Variants in PCYT2 observed in about 807,000 individuals in gnomAD.
PCYT2 encodes ethanolamine-phosphate cytidylyltransferase.
In PCYT2, 33 loss-of-function variants were observed where a neutral mutation model predicts 50.0. That is an observed-to-expected ratio of 0.66 (90% confidence interval 0.50 to 0.88). The LOEUF (loss-of-function observed/expected upper bound fraction) is 0.88. PCYT2 is among the 40% of genes least tolerant of loss of function. The pLI is 0.00. For synonymous variants in PCYT2, 240 were observed against 203.7 expected (o/e 1.18, Z -1.52); for missense variants, 430 against 519.7 (o/e 0.83, Z 1.68).
Position 81,906,520 on chromosome 17 carries a change from T to G in PCYT2, c.703A>C (p.Lys235Gln), listed in dbSNP as rs2040276929. 5.0e-6 allele frequency: 8 copies of G among 1,613,462 alleles called. No individual in the cohort carries two copies. The highest frequency in any genetic ancestry group is 5.9e-6 in the Non-Finnish European group (7 of 1,179,902). ...FHIGHVDFLE[K>Q]VHRLAERPYI... Reference sequence around the variant, plus strand: ...GGCCTCTCTGCCAGCCTGTGCACCTTCTCCAGGAAGTCCACATGCCCGATG... The same window carrying G: ...GGCCTCTCTGCCAGCCTGTGCACCTGCTCCAGGAAGTCCACATGCCCGATG... Residue 235 changes from lysine to glutamine, a missense_variant, in exon 8 of 13, where the codon AAG (lysine) becomes CAG (glutamine). Physicochemically the swap from Lys to Gln is moderately conservative, Grantham distance 53. This residue lies in a region of PCYT2 where 248 missense variants were observed against 300.2 expected (regional missense o/e 0.83). Coordinates refer to ENST00000538936, the MANE Select transcript of PCYT2 (RefSeq NM_002861.5).
chr17:81,908,555 G>A lies in PCYT2; in HGVS notation c.407+13C>T, dbSNP rs369399121. 2.1e-5 allele frequency: 33 copies of A among 1,605,998 alleles called. No individual in the cohort carries two copies. Among genetic ancestry groups the A allele is most frequent in the Middle Eastern group, 1.6e-4 (1 of 6,066 alleles). ...CAGCTCCCTGGATGGCCAGGCCCGC[G>A]GTGGAGACTCACCTGTACCTCCCAG... is the stretch of plus-strand genomic sequence containing the variant. On this transcript the variant is annotated intron_variant, in intron 4 of 12. Transcript: ENST00000538936.
rs770777368 is a variant in PCYT2 at position 81,909,556 on chromosome 17, G to T, written c.136C>A (p.Arg46=). 2 of 1,613,740 alleles carry T rather than the reference G, an allele frequency of 1.2e-6. No homozygotes were observed. Among genetic ancestry groups the T allele is most frequent in the South Asian group, 2.2e-5 (2 of 91,086 alleles). Reference sequence around the variant, plus strand: ...ACGATGAGGTAGTCACCCATGGCCCGTGCCTGGCGCAGCTGGTTGGAGTGG... The same window carrying T: ...ACGATGAGGTAGTCACCCATGGCCCTTGCCTGGCGCAGCTGGTTGGAGTGG... ...YGHSNQLRQA[R]AMGDYLIVGV... is the part of the protein sequence containing the mutation. Residue 46 remains arginine (R), a synonymous_variant, in exon 2 of 13, where the codon CGG becomes AGG. Coordinates refer to ENST00000538936, the MANE Select transcript of PCYT2 (RefSeq NM_002861.5).
chr17:81,908,718 C>G (rs1435831893), intron 3 of PCYT2, 84 bp from the exon 4 acceptor site: 13 of 1,377,102 alleles, frequency 9.4e-6, no homozygotes, highest in Non-Finnish European at 1.2e-5. Context: ...GGCCCCTGGC[C>G]TGCCCTAGTG....
In PCYT2 at chr17:81,905,029, C is replaced by T. The variant is rs1189661831; in HGVS notation, c.1058+37G>A. ...CACGGTAAGTCTAGCGGAGAGCGCC[C>T]ATGAGGCGGCTCCGAGGTGCCCCCA... On this transcript the variant is annotated intron_variant, in intron 12 of 12. Coordinates refer to ENST00000538936, the MANE Select transcript of PCYT2 (RefSeq NM_002861.5). 5 of 1,598,796 alleles carry T rather than the reference C, an allele frequency of 3.1e-6. No homozygotes were observed. The African/African-American group carries it at 5.3e-5, about 17-fold the overall frequency.
chr17:81,908,855 G>C, intron 3 of PCYT2, 21 bp downstream of exon 3: 1 of 1,607,060 alleles, frequency 6.2e-7, no homozygotes, highest in Non-Finnish European at 8.5e-7. Context: ...CAGGCCCCCA[G>C]GTCCCAGCCC....
At chr17:81,906,597 C>G (rs2040284301) in intron 7 of PCYT2, 51 bp from the exon 8 acceptor site, 1 of 1,586,718 alleles carries the variant, frequency 6.3e-7, no homozygotes, top group African/African-American at 1.3e-5. Context: ...GGAGCAGCTC[C>G]CTGACAGCTC....
rs2040024336 is a variant in PCYT2 at position 81,902,992 on chromosome 17, G to A, written c.*1841C>T. The A allele has an allele frequency of 2.0e-6, 1 of 502,722 alleles. No homozygotes were observed. The highest frequency in any genetic ancestry group is 4.9e-4 in the Middle Eastern group (1 of 2,034). The allele number at this position is 502,722 out of a possible 1,614,324, so 31.1% of individuals were successfully genotyped here. ...AGCCTGGGTATGAGAAGGCAGCCGA[G>A]TGTGCGGCGGCAGGGCAAGGTTGGC... On this transcript the variant is annotated 3_prime_UTR_variant, in exon 13 of 13. Transcript: ENST00000538936.
At position 81,906,747 on chromosome 17, in the gene PCYT2, G is replaced by A. The variant is rs755123458; in HGVS notation, c.676+13C>T. The A allele has an allele frequency of 1.2e-6, 2 of 1,611,932 alleles. No individual in the cohort carries two copies. Among genetic ancestry groups the A allele is most frequent in the African/African-American group, 2.7e-5 (2 of 74,930 alleles). On this transcript the variant is annotated intron_variant, in intron 7 of 12. Coordinates refer to ENST00000538936, the MANE Select transcript of PCYT2 (RefSeq NM_002861.5). ...TGGCACATGTAGGGGAGCAGCAGAG[G>A]CCCAGAGGATACGGAACAGGTCGAA...
rs374644366 is a variant in PCYT2, at chr17:81,908,867, G to A, written c.340+9C>T. On this transcript the variant is annotated intron_variant, in intron 3 of 12. Coordinates refer to ENST00000538936, the MANE Select transcript of PCYT2 (RefSeq NM_002861.5). ...CCCCAGGCCCCCAGGTCCCAGCCCC[G>A]CCACTCACTGCCGTGAACACAGAAG... is the stretch of plus-strand genomic sequence containing the variant. The A allele has an allele frequency of 4.2e-5, 68 of 1,610,540 alleles. No individual in the cohort carries two copies. The highest frequency in any genetic ancestry group is 9.3e-5 in the African/African-American group (7 of 74,884).
chr17:81,902,234 C>T lies in PCYT2; in HGVS notation c.*2599G>A. On this transcript the variant is annotated 3_prime_UTR_variant, in exon 13 of 13. Transcript: ENST00000538936. Reference sequence around the variant, plus strand: ...TATAAGGCGGCCCAGGCGGTGGCTGCTCCGAGCCCGGACGCCGCCGCCCAC... The same window carrying T: ...TATAAGGCGGCCCAGGCGGTGGCTGTTCCGAGCCCGGACGCCGCCGCCCAC... 5.7e-6 allele frequency: 7 copies of T among 1,225,182 alleles called. No individual in the cohort carries two copies. In the South Asian group the frequency reaches 1.5e-4, roughly 26 times the overall value. The allele number at this position is 1,225,182 out of a possible 1,614,324, so 75.9% of individuals were successfully genotyped here.
At chr17:81,909,194 G>A (rs1025359905) in intron 2 of PCYT2, 157 bp from the exon 3 acceptor site, 1 of 1,448,956 alleles carries the variant, frequency 6.9e-7, no homozygotes, top group Non-Finnish European at 9.0e-7. Context: ...CTGGCCAACT[G>A]GGTGGCTCTC....
chr17:81,906,282 C>A, intron 8 of PCYT2, 105 bp from the exon 9 acceptor site: 1 of 1,185,328 alleles, frequency 8.4e-7, no homozygotes. Flanking sequence ...GTTGCTCGCC[C>A]TTGTGGGGAT....
At position 81,902,886 on chromosome 17, in the gene PCYT2, A is replaced by C; in HGVS notation, c.*1947T>G. On this transcript the variant is annotated 3_prime_UTR_variant, in exon 13 of 13. Transcript: ENST00000538936. ...CCCGCAGTTAATGGCAAACGAATAA[A>C]TAAATGAGGCGGCCTCGGAGTGAGG... The C allele has an allele frequency of 1.4e-6, 1 of 734,148 alleles. No individual in the cohort carries two copies. The highest frequency in any genetic ancestry group is 2.1e-6 in the Non-Finnish European group (1 of 481,518). 45.5% of individuals were successfully genotyped at this position (734,148 alleles called of 1,614,324 possible).
rs1450534959 is a variant in PCYT2 at position 81,911,232 on chromosome 17, G to C, written c.89+35C>G. The C allele has an allele frequency of 2.7e-5, 28 of 1,030,284 alleles. 1 individual carries two copies. In the South Asian group the frequency reaches 1.1e-3, roughly 39 times the overall value. 63.8% of individuals were successfully genotyped at this position (1,030,284 alleles called of 1,614,324 possible). On this transcript the variant is annotated intron_variant, in intron 1 of 12. Transcript: ENST00000538936. ...GGCGCCCCGGAAGGAAGCCGGCCCC[G>C]GCGCCCCCGCGGCCCGCCCCGGCCC...
intron 1 of PCYT2, 41 bp downstream of exon 1, chr17:81,911,209 CGCCCCGGAAGGAAGCCG>C: frequency 9.8e-7 from 1 of 1,021,694 alleles, no homozygotes; most frequent in South Asian, 4.5e-5. Flanking sequence ...GCTGGCGCGG[CGCCCCGGAAGGAAGCCG>C]GCCCCGGCGC....
At chr17:81,906,731 T>C (rs1223593203) in intron 7 of PCYT2, 29 bp downstream of exon 7, 2 of 1,609,940 alleles carry the variant, frequency 1.2e-6, no homozygotes, top group South Asian at 2.2e-5. Context: ...GTGGCACATG[T>C]AGGGGAGCAG....
chr17:81,902,274 C>T lies in PCYT2; in HGVS notation c.*2559G>A. 1 of 1,273,110 alleles carries T rather than the reference C, an allele frequency of 7.9e-7. No homozygotes were observed. The highest frequency in any genetic ancestry group is 1.6e-5 in the African/African-American group (1 of 64,294). 78.9% of individuals were successfully genotyped at this position (1,273,110 alleles called of 1,614,324 possible). On this transcript the variant is annotated 3_prime_UTR_variant, in exon 13 of 13. Coordinates refer to ENST00000538936, the MANE Select transcript of PCYT2 (RefSeq NM_002861.5). The stretch of plus-strand genomic sequence containing the variant: ...CCGCCGCCCACCAGTCAGCCGGCGT[C>T]CCCATGGCCCGGTCCGCGACACTGG...
intron 6 of PCYT2, 102 bp from the exon 7 acceptor site, chr17:81,907,000 T>C (rs1406767750): frequency 2.9e-6 from 4 of 1,369,300 alleles, no homozygotes; most frequent in Middle Eastern, 2.0e-4. Flanking sequence ...CAATCCCATT[T>C]CCAGCCAGTC....
Position 81,907,239 on chromosome 17 carries a change from C to T in PCYT2, c.537+315G>A, listed in dbSNP as rs982094307. 118 of 1,533,914 alleles carry T rather than the reference C, an allele frequency of 7.7e-5. No individual in the cohort carries two copies. The highest frequency in any genetic ancestry group is 9.7e-5 in the Non-Finnish European group (111 of 1,145,862). On this transcript the variant is annotated intron_variant, in intron 6 of 12. Transcript: ENST00000538936. Reference sequence around the variant, plus strand: ...CCTTCTGAGGAAAGTATGTCCCCGGCGGGTATCGGGTGAGGGGGCTACAAT... The same window carrying T: ...CCTTCTGAGGAAAGTATGTCCCCGGTGGGTATCGGGTGAGGGGGCTACAAT...
Sources: allele counts gnomAD v4.1 joint callset, GRCh38; gene constraint gnomAD v4.1.1; regional missense constraint gnomAD v4.1.1; transcripts MANE v1.5; gene names NCBI Gene and HGNC (gene_info 2026-07-23, HGNC 2026-07-21).